ITCH: variants seen among roughly 807,000 people sequenced by gnomAD.
The protein encoded by ITCH is itchy E3 ubiquitin protein ligase.
A neutral mutation model predicts 126.8 loss-of-function variants in ITCH; 28 were observed. The observed-to-expected ratio is 0.22, with a 90% CI of 0.16 to 0.30. The LOEUF (loss-of-function observed/expected upper bound fraction) is 0.30, where lower values mean the gene tolerates loss of function less well. Ranked by LOEUF, ITCH falls within the 10% of genes least tolerant of loss-of-function variation. ITCH has a pLI of 1.00. For synonymous variants in ITCH, 342 were observed against 340.0 expected (o/e 1.01, Z -0.06); for missense variants, 631 against 1,032.4 (o/e 0.61, Z 5.33).
chr20:34,380,389 T>C (rs2038011640), intron 2 of ITCH, among the ~76,000 whole-genome samples: 2 of 152,150 alleles, frequency 1.3e-5, no homozygotes, highest in South Asian at 2.1e-4. Context: ...AACTGTGATT[T>C]TAAATCATGA....
intron 7 of ITCH, among the ~76,000 whole-genome samples, chr20:34,433,593 G>T (rs943613172): frequency 1.3e-5 from 2 of 150,466 alleles, no homozygotes; most frequent in African/African-American, 4.9e-5. Context: ...GGAGGTCAGG[G>T]CTGCAGCGAG....
chr20:34,401,767 G>A (rs1345994530), intron 3 of ITCH: 1 of 343,060 alleles, frequency 2.9e-6, no homozygotes, highest in Non-Finnish European at 4.1e-6. Flanking sequence ...AGAGGAGGGG[G>A]AAAAAAAACC....
chr20:34,510,671 T>G lies in ITCH; in HGVS notation c.*2877T>G, dbSNP rs905161348. The G allele has an allele frequency of 1.3e-5, 2 of 152,140 alleles. No homozygotes were observed. The highest frequency in any genetic ancestry group is 6.6e-5 in the Admixed American group (1 of 15,260). The allele number at this position is 152,140 out of a possible 1,614,324, so 9.4% of individuals were successfully genotyped here. The stretch of plus-strand genomic sequence containing the variant: ...AATGAATTCCTGCTCTGTCTTTTAT[T>G]ATCTTATGTCAGAGTGCAGCAAAAT... On this transcript the variant is annotated 3_prime_UTR_variant, in exon 25 of 25. Transcript: ENST00000374864.
At chr20:34,378,895 C>T (rs1199959752) in intron 2 of ITCH, among the ~76,000 whole-genome samples, 2 of 152,006 alleles carry the variant, frequency 1.3e-5, no homozygotes, top group Non-Finnish European at 2.9e-5. Flanking sequence ...TGAATTTTAA[C>T]CTTATCTTTG....
intron 7 of ITCH, among the ~76,000 whole-genome samples, chr20:34,425,103 G>A (rs555138728): frequency 3.9e-5 from 6 of 152,338 alleles, no homozygotes; most frequent in Non-Finnish European, 5.9e-5. Context: ...GTTCTGCTTT[G>A]AGATGCTGTT....
At chr20:34,366,009 T>C (rs1180269655) in intron 1 of ITCH, among the ~76,000 whole-genome samples, 1 of 151,976 alleles carries the variant, frequency 6.6e-6, no homozygotes, top group East Asian at 1.9e-4. Flanking sequence ...GGGTGGAGGA[T>C]TGGTTAGAAG....
intron 5 of ITCH, among the ~76,000 whole-genome samples, chr20:34,413,012 T>G (rs61389630): frequency 6.6e-6 from 1 of 152,020 alleles, no homozygotes; most frequent in Admixed American, 6.6e-5. Context: ...CTTTTTTTTT[T>G]GGGAGGGACA....
intron 14 of ITCH, chr20:34,466,453 A>G: frequency 2.0e-6 from 1 of 491,132 alleles, no homozygotes. Context: ...CACATTAACA[A>G]CTTTTATATT....
chr20:34,447,562 G>A (rs997303639), intron 11 of ITCH, among the ~76,000 whole-genome samples: 3 of 152,110 alleles, frequency 2.0e-5, no homozygotes, highest in Admixed American at 2.0e-4. Context: ...GGTTCTTCCT[G>A]GTCCATGGCT....
intron 9 of ITCH, 179 bp from the exon 10 acceptor site, chr20:34,442,029 C>G: frequency 1.6e-6 from 1 of 636,766 alleles, no homozygotes; most frequent in Non-Finnish European, 2.9e-6. Flanking sequence ...CTGTGTGCCA[C>G]TGCCTGAAGA....
intron 3 of ITCH, among the ~76,000 whole-genome samples, chr20:34,394,851 T>C (rs1490976326): frequency 6.6e-6 from 1 of 152,114 alleles, no homozygotes; most frequent in Admixed American, 6.6e-5. Flanking sequence ...GCTCGAAGAA[T>C]GTACAATGGC....
chr20:34,498,817 A>G (rs6058064), intron 23 of ITCH, among the ~76,000 whole-genome samples: 73,969 of 150,794 alleles, frequency 0.49, 18,300 homozygotes, highest in Middle Eastern at 0.52. Context: ...ATCCTTGTCT[A>G]GTTTTGGTAT....
At chr20:34,375,559 C>A (rs1431152400) in intron 2 of ITCH, among the ~76,000 whole-genome samples, 1 of 151,188 alleles carries the variant, frequency 6.6e-6, no homozygotes, top group Non-Finnish European at 1.5e-5. Flanking sequence ...CATAGTGAGA[C>A]CCCATCTTTA....
At chr20:34,505,189 G>A (rs1453195890) in intron 24 of ITCH, among the ~76,000 whole-genome samples, 2 of 151,580 alleles carry the variant, frequency 1.3e-5, no homozygotes, top group African/African-American at 2.4e-5. Context: ...GATTACAGGC[G>A]CCCGTGACCA....
At chr20:34,392,883 G>A (rs1038948180) in intron 2 of ITCH, among the ~76,000 whole-genome samples, 1 of 152,018 alleles carries the variant, frequency 6.6e-6, no homozygotes, top group African/African-American at 2.4e-5. Context: ...AGCCCGGGAG[G>A]CGCTCCAGAA....
chr20:34,476,555 C>T (rs950900208), intron 16 of ITCH: 1 of 797,612 alleles, frequency 1.3e-6, no homozygotes, highest in South Asian at 6.3e-5. Flanking sequence ...TTGCTGTATA[C>T]CTAGCCTATA....
intron 10 of ITCH, among the ~76,000 whole-genome samples, chr20:34,443,744 G>A (rs765486704): frequency 4.6e-4 from 70 of 152,210 alleles, no homozygotes; most frequent in South Asian, 2.1e-4. Flanking sequence ...TAGCACTTTG[G>A]GGGGACAAGG....
intron 23 of ITCH, among the ~76,000 whole-genome samples, chr20:34,495,013 A>G (rs1989761393): frequency 6.6e-6 from 1 of 150,872 alleles, no homozygotes; most frequent in African/African-American, 2.4e-5. Flanking sequence ...GCACGTTGGG[A>G]GGCCGAGGCA....
At position 34,509,931 on chromosome 20, in the gene ITCH, A is replaced by G. The variant is rs1978588524; in HGVS notation, c.*2137A>G. On this transcript the variant is annotated 3_prime_UTR_variant, in exon 25 of 25. Transcript: ENST00000374864. ...AAAATACATTTTTTTGGTTCTATAT[A>G]ATGCTTCATGATTCATTTAGGGACC... The G allele has an allele frequency of 6.6e-6, 1 of 152,590 alleles. No individual in the cohort carries two copies. The highest frequency in any genetic ancestry group is 2.1e-4 in the South Asian group (1 of 4,834). The allele number at this position is 152,590 out of a possible 1,614,324, so 9.5% of individuals were successfully genotyped here. A position where few individuals can be genotyped will look rare whatever the true frequency, so the allele number is the denominator to read the frequency against.
Sources: allele counts gnomAD v4.1 joint callset (sites outside exome capture counted in the v4.1 genomes callset), GRCh38; gene constraint gnomAD v4.1.1; transcripts MANE v1.5; gene names NCBI Gene and HGNC (gene_info 2026-07-23, HGNC 2026-07-21).